Variants in FSTL4 observed in about 807,000 individuals in gnomAD.
The protein encoded by FSTL4 is follistatin-related protein 4.
Under a neutral mutation model 78.2 loss-of-function variants are expected in FSTL4, and 28 were observed. The observed-to-expected ratio is 0.36, with a 90% confidence interval of 0.27 to 0.49. FSTL4 has a LOEUF of 0.49. FSTL4 is among the 20% of genes least tolerant of loss of function. FSTL4 has a pLI of 0.98. For synonymous variants in FSTL4, 422 were observed against 440.5 expected (o/e 0.96, Z 0.53); for missense variants, 922 against 1,084.9 (o/e 0.85, Z 2.11).
At chr5:133,274,039 A>C (rs1177507040) in intron 6 of FSTL4, among the ~76,000 whole-genome samples, 1 of 152,230 alleles carries the variant, frequency 6.6e-6, no homozygotes, top group Non-Finnish European at 1.5e-5. Context: ...TTAGGATATT[A>C]ATGCCTGCAC....
rs969782028 is a variant in FSTL4 at position 133,611,332 on chromosome 5, G to A, written c.-11+993C>T. Among the ~76,000 whole-genome samples the A allele has an allele frequency of 6.6e-6, 1 of 152,202 alleles. No homozygotes were observed. The highest frequency in any genetic ancestry group is 2.4e-5 in the African/African-American group (1 of 41,474). ...CCTCGGCGGCTTTCCGCTCCCGCAA[G>A]AGTTGCGGGCACAAAGTCCTCAGGT... On this transcript the variant is annotated intron_variant, in intron 1 of 15. Transcript: ENST00000265342. This position sits in a 1 kb window ranked among gnomAD's most constrained non-coding sequence, Gnocchi z 4.9.
At chr5:133,240,466 G>A (rs1013703165) in intron 7 of FSTL4, among the ~76,000 whole-genome samples, 2 of 152,174 alleles carry the variant, frequency 1.3e-5, no homozygotes, top group African/African-American at 4.8e-5. Flanking sequence ...GCAACCTGGA[G>A]TGGGCCTGTC....
the FSTL4 span, among the ~76,000 whole-genome samples, chr5:133,692,542 C>A: frequency 6.6e-6 from 1 of 152,168 alleles, no homozygotes; most frequent in Admixed American, 6.5e-5. Context: ...GCACAGCTTG[C>A]AAAGCACAGA....
At chr5:133,660,840 G>A in the FSTL4 span, among the ~76,000 whole-genome samples, 1 of 152,324 alleles carries the variant, frequency 6.6e-6, no homozygotes, top group African/African-American at 2.4e-5. Flanking sequence ...AATTATTATT[G>A]TTTCCAAGGA....
rs547454707 is a variant in FSTL4, at chr5:133,351,770, G to C, written c.410-35118C>G. ...CTACAGGCATGCACTACCTTGCCCA[G>C]CTAGTTTTTTTATTTTTAGTAGAGA... On this transcript the variant is annotated intron_variant, in intron 4 of 15. Transcript: ENST00000265342. Among the ~76,000 whole-genome samples, 209 of 152,162 alleles carry C rather than the reference G, an allele frequency of 1.4e-3. 1 individual carries two copies. The highest frequency in any genetic ancestry group is 0.01 in the Middle Eastern group (3 of 294).
chr5:133,540,568 C>T (rs901973518), intron 3 of FSTL4, among the ~76,000 whole-genome samples: 8 of 151,612 alleles, frequency 5.3e-5, no homozygotes, highest in African/African-American at 1.9e-4. Context: ...TTCTTTTTGA[C>T]CTGAAATCTT....
chr5:133,766,594 G>A, the FSTL4 span, among the ~76,000 whole-genome samples: 2 of 152,240 alleles, frequency 1.3e-5, no homozygotes, highest in Admixed American at 6.5e-5. Context: ...TAGGAAGGCT[G>A]TGGGGTACTG....
the FSTL4 span, among the ~76,000 whole-genome samples, chr5:133,699,400 G>C: frequency 2.6e-5 from 4 of 152,176 alleles, no homozygotes; most frequent in African/African-American, 9.6e-5. Context: ...AACTCCACCT[G>C]CTCAGAAATG....
At chr5:133,428,852 G>A (rs1400742591) in intron 3 of FSTL4, among the ~76,000 whole-genome samples, 2 of 152,190 alleles carry the variant, frequency 1.3e-5, no homozygotes, top group African/African-American at 2.4e-5. Context: ...ATGCTTCATT[G>A]TTAAGAGTAA....
At chr5:133,455,659 T>C (rs1194218809) in intron 3 of FSTL4, among the ~76,000 whole-genome samples, 5 of 151,974 alleles carry the variant, frequency 3.3e-5, no homozygotes, top group Admixed American at 3.3e-4. Flanking sequence ...AGAAGGAAAA[T>C]CCCAAGGGAA....
At chr5:133,777,921 C>T in the FSTL4 span, among the ~76,000 whole-genome samples, 1 of 152,214 alleles carries the variant, frequency 6.6e-6, no homozygotes, top group African/African-American at 2.4e-5. Flanking sequence ...CACTAAGAAG[C>T]AAACTTTCTT....
At chr5:133,399,789 A>G (rs1041202131) in intron 4 of FSTL4, among the ~76,000 whole-genome samples, 7 of 152,196 alleles carry the variant, frequency 4.6e-5, no homozygotes, top group Admixed American at 2.0e-4. Context: ...GACCTCACAT[A>G]ACTCCAAGTG....
At chr5:133,795,748 GT>G in the FSTL4 span, among the ~76,000 whole-genome samples, 1 of 152,204 alleles carries the variant, frequency 6.6e-6, no homozygotes, top group African/African-American at 2.4e-5. Flanking sequence ...AAAGACACAA[GT>G]GCTCACAGGA....
the FSTL4 span, among the ~76,000 whole-genome samples, chr5:133,747,229 G>A: frequency 6.6e-6 from 1 of 152,162 alleles, no homozygotes; most frequent in Non-Finnish European, 1.5e-5. Flanking sequence ...CAAGGGCACA[G>A]GGGCAGATCA....
intron 6 of FSTL4, among the ~76,000 whole-genome samples, chr5:133,295,561 C>T (rs576474010): frequency 7.2e-5 from 11 of 152,310 alleles, no homozygotes; most frequent in Non-Finnish European, 1.5e-4. Context: ...TTCTCCAGTT[C>T]CTTTCTTCCC....
intron 6 of FSTL4, among the ~76,000 whole-genome samples, chr5:133,284,417 C>T (rs745424929): frequency 2.6e-5 from 4 of 152,208 alleles, no homozygotes; most frequent in Non-Finnish European, 5.9e-5. Flanking sequence ...GACAGATGCC[C>T]CTCAGGGCAG....
At chr5:133,783,747 A>G in the FSTL4 span, among the ~76,000 whole-genome samples, 1 of 152,218 alleles carries the variant, frequency 6.6e-6, no homozygotes, top group South Asian at 2.1e-4. Context: ...GTTTGGGGAA[A>G]CGTTCCTTTC....
At chr5:133,740,987 G>T in the FSTL4 span, among the ~76,000 whole-genome samples, 5 of 152,018 alleles carry the variant, frequency 3.3e-5, no homozygotes, top group African/African-American at 1.2e-4. Context: ...ATGGGAGGGT[G>T]AATGGATGAA....
intron 4 of FSTL4, among the ~76,000 whole-genome samples, chr5:133,365,493 A>G (rs1755165158): frequency 6.6e-6 from 1 of 152,164 alleles, no homozygotes; most frequent in Non-Finnish European, 1.5e-5. Flanking sequence ...AGGGGACAGC[A>G]TGCCCCCACC....
Sources: gnomAD v4.1 joint callset for allele counts (sites outside exome capture counted in the v4.1 genomes callset) on GRCh38, gnomAD v4.1.1 for gene constraint, Gnocchi (gnomAD v3.1) non-coding constraint, MANE v1.5 for transcripts, NCBI Gene and HGNC (gene_info 2026-07-23, HGNC 2026-07-21) for gene names.